SYNE1: variants seen among roughly 807,000 people sequenced by gnomAD.
SYNE1 encodes the protein spectrin repeat containing nuclear envelope protein 1.
In SYNE1, 616 loss-of-function variants were observed where a neutral mutation model predicts 1,111.0. That is an observed-to-expected ratio of 0.55 (90% CI 0.52 to 0.59). SYNE1 has a LOEUF of 0.59. Among genes scored for constraint, SYNE1 ranks in the 20% least tolerant of loss-of-function variants. The pLI, the probability that SYNE1 is intolerant of heterozygous loss-of-function variation, is 0.00. For synonymous variants in SYNE1, 3,855 were observed against 3,825.8 expected, an observed-to-expected ratio of 1.01 and a Z score of -0.28; for missense variants, 10,006 against 10,417.0, an observed-to-expected ratio of 0.96 and a Z score of 1.72.
chr6:152,206,700 C>A (rs532515536), intron 125 of SYNE1, among the ~76,000 whole-genome samples: 1 of 152,102 alleles, frequency 6.6e-6, no homozygotes, highest in Non-Finnish European at 1.5e-5. Context: ...TCTTGCGAGA[C>A]ATGAACTTCA....
chr6:152,233,626 G>C (rs1351429102), intron 112 of SYNE1, among the ~76,000 whole-genome samples, 155 bp downstream of exon 112: 1 of 152,132 alleles, frequency 6.6e-6, no homozygotes, highest in Admixed American at 6.5e-5. Context: ...CGCCCGGCCA[G>C]AGTTCACTCT....
intron 19 of SYNE1, 37 bp from the exon 20 acceptor site, chr6:152,462,927 C>T (rs942662755): frequency 6.2e-7 from 1 of 1,612,522 alleles, no homozygotes; most frequent in Non-Finnish European, 8.5e-7. Flanking sequence ...TCGTGAAAGC[C>T]ATTTAGCTGC....
In SYNE1 at chr6:152,262,025, T is replaced by G; in HGVS notation, c.18972+7A>C. 6.2e-7 allele frequency: 1 copy of G among 1,609,962 alleles called. No homozygotes were observed. The highest frequency in any genetic ancestry group is 1.3e-5 in the African/African-American group (1 of 74,918). On this transcript the variant is annotated splice_region_variant and intron_variant, in intron 101 of 145. Coordinates refer to ENST00000367255, the MANE Select transcript of SYNE1 (RefSeq NM_182961.4). ...TTAGTTAATATATAATGTAAAATAT[T>G]TGATACCACTTGCTCTTGTTCCTGT...
intron 104 of SYNE1, 128 bp from the exon 105 acceptor site, chr6:152,249,390 G>A: frequency 1.4e-6 from 1 of 714,602 alleles, no homozygotes; most frequent in Non-Finnish European, 2.6e-6. Context: ...AAACAATACT[G>A]TGCTATGGGA....
At chr6:152,325,437 A>C in intron 80 of SYNE1, 135 bp from the exon 81 acceptor site, 1 of 773,894 alleles carries the variant, frequency 1.3e-6, no homozygotes, top group Non-Finnish European at 2.1e-6. Flanking sequence ...ATTCTCCTCT[A>C]GGTACTCTTA....
Position 152,401,343 on chromosome 6 carries a change from T to C in SYNE1, c.6826-2A>G. ...CTGCATTAAGTCTGCTTCTATAAAC[T>C]AAATATCAAGCAAGATTTCATCAAT... On this transcript the variant is annotated splice_acceptor_variant, in intron 46 of 145. Transcript: ENST00000367255. LOFTEE classifies it high-confidence loss of function. 2.5e-6 allele frequency: 4 copies of C among 1,613,004 alleles called. No homozygotes were observed. The highest frequency in any genetic ancestry group is 3.4e-6 in the Non-Finnish European group (4 of 1,179,758).
At chr6:152,338,559 T>C (rs6931597) in intron 75 of SYNE1, among the ~76,000 whole-genome samples, 97,149 of 152,076 alleles carry the variant, frequency 0.64, 31,544 homozygotes, top group African/African-American at 0.78. Context: ...AGGTTGAGGC[T>C]TCAGTCAGTG....
At position 152,219,334 on chromosome 6, in the gene SYNE1, C is replaced by T. The variant is rs1020045457; in HGVS notation, c.21862-149G>A. 17 of 789,956 alleles carry T rather than the reference C, an allele frequency of 2.2e-5. 1 individual carries two copies. Among genetic ancestry groups the T allele is most frequent in the Non-Finnish European group, 3.2e-5 (15 of 466,354 alleles). The allele number at this position is 789,956 out of a possible 1,614,324, so 48.9% of individuals were successfully genotyped here. On this transcript the variant is annotated intron_variant, in intron 119 of 145. Transcript: ENST00000367255. ...TAAACTTCACCTGTGGAAAAATGAA[C>T]ACGCACTGAACCCCATTTTTTAAAA... is the stretch of plus-strand genomic sequence containing the variant.
chr6:152,203,694 G>A (rs1587734240), intron 126 of SYNE1, among the ~76,000 whole-genome samples: 1 of 152,126 alleles, frequency 6.6e-6, no homozygotes, highest in Non-Finnish European at 1.5e-5. Flanking sequence ...TGGAAGCAGT[G>A]TTGACTAAAG....
In SYNE1 at chr6:152,269,169, G is replaced by A. The variant is rs1279352967; in HGVS notation, c.18691C>T (p.Leu6231Phe). The A allele has an allele frequency of 6.2e-7, 1 of 1,614,100 alleles. No individual in the cohort carries two copies. The highest frequency in any genetic ancestry group is 8.5e-7 in the Non-Finnish European group (1 of 1,180,040). The change falls in exon 99 of 146, where the codon CTC (leucine) becomes TTC (phenylalanine). Residue 6231 changes from leucine (L) to phenylalanine (F), a missense_variant. Coordinates refer to ENST00000367255, the MANE Select transcript of SYNE1 (RefSeq NM_182961.4). Reference sequence around the variant, plus strand: ...AAACACTTTACTTTTTGTTGCTGGAGACTGCTCTGCCGCTGCTGGGTCCAT... The same window carrying A: ...AAACACTTTACTTTTTGTTGCTGGAAACTGCTCTGCCGCTGCTGGGTCCAT... Reference protein sequence around the residue: ...TTWTQQRQSSLQQQKELEQEL... With the variant: ...TTWTQQRQSSFQQQKELEQEL...
intron 14 of SYNE1, among the ~76,000 whole-genome samples, chr6:152,477,619 T>C (rs1274940013): frequency 2.6e-5 from 4 of 151,892 alleles, no homozygotes; most frequent in Non-Finnish European, 5.9e-5. Context: ...AATTTACTTA[T>C]TTTTTATATT....
chr6:152,354,821 C>A lies in SYNE1; in HGVS notation c.10764G>T (p.Glu3588Asp). Residue 3588 changes from glutamate to aspartate, a missense_variant, in exon 67 of 146, where the codon GAG becomes GAT. Physicochemically the swap from Glu to Asp is conservative, Grantham distance 45. Transcript: ENST00000367255. ...CCACGTTATTGAACTGAGTTCGAGT[C>A]TCGGACAGCCTGTGCTGGTAAGCCT... ...DWQAYQHRLS[E>D]TRTQFNNVVN... 1 of 1,614,176 alleles carries A rather than the reference C, an allele frequency of 6.2e-7. No homozygotes were observed. The highest frequency in any genetic ancestry group is 8.5e-7 in the Non-Finnish European group (1 of 1,180,038).
intron 137 of SYNE1, chr6:152,144,681 T>C (rs2059149321): frequency 6.5e-6 from 1 of 152,752 alleles, no homozygotes; most frequent in South Asian, 2.1e-4. Context: ...GTAATGTTAC[T>C]TTGCTTTCTG....
intron 133 of SYNE1, 112 bp from the exon 134 acceptor site, chr6:152,152,253 G>C (rs2060562493): frequency 1.1e-6 from 1 of 947,308 alleles, no homozygotes; most frequent in Admixed American, 1.8e-5. Flanking sequence ...CACTATCACA[G>C]AGGGAAAGAA....
At chr6:152,423,170 C>A (rs997389775) in intron 39 of SYNE1, among the ~76,000 whole-genome samples, 4 of 152,298 alleles carry the variant, frequency 2.6e-5, no homozygotes, top group East Asian at 1.9e-4. Context: ...ACCAGCTTTG[C>A]TAGCCAAGCC....
In SYNE1 at chr6:152,130,725, A is replaced by G. The variant is rs761720712; in HGVS notation, c.26148T>C (p.His8716=). ...SQPGPSVSSP[H]SRSTKGGSDS... is the part of the protein sequence containing the mutation. ...AAACCAGGAGAAGGAGGTACCTGCT[A>G]TGTGGACTGCTGACAGAGGGTCCAG... Residue 8716 remains histidine, a synonymous_variant, in exon 145 of 146, where the codon CAT becomes CAC. Transcript: ENST00000367255. 16 of 1,614,096 alleles carry G rather than the reference A, an allele frequency of 9.9e-6. No individual in the cohort carries two copies. The highest frequency in any genetic ancestry group is 3.3e-5 in the Admixed American group (2 of 60,004).
chr6:152,319,582 G>C (rs564314966), intron 84 of SYNE1, among the ~76,000 whole-genome samples: 100 of 152,310 alleles, frequency 6.6e-4, no homozygotes, highest in Non-Finnish European at 1.1e-3. Context: ...AATTTCCAGT[G>C]ACTTTGGTTT....
At chr6:152,253,819 T>TTTTTTTG (rs1394464727) in intron 104 of SYNE1, among the ~76,000 whole-genome samples, 1 of 28,452 alleles carries the variant, frequency 3.5e-5, no homozygotes, top group Non-Finnish European at 5.3e-5. Context: ...AGTGGTTTGG[T>TTTTTTTG]TTTTTTTTTT....
intron 3 of SYNE1, among the ~76,000 whole-genome samples, chr6:152,622,067 A>C (rs544205941): frequency 1.3e-5 from 2 of 152,208 alleles, no homozygotes; most frequent in Non-Finnish European, 2.9e-5. Context: ...AATGTATTTA[A>C]CTATAATGTT....
Sources: allele counts gnomAD v4.1 joint callset (sites outside exome capture counted in the v4.1 genomes callset), GRCh38; gene constraint gnomAD v4.1.1; transcripts MANE v1.5; gene names NCBI Gene and HGNC (gene_info 2026-07-23, HGNC 2026-07-21).